The following ZSWIM6 variants were observed in gnomAD, a reference collection of about 807,000 sequenced individuals.
ZSWIM6 encodes the protein zinc finger SWIM-type containing 6, also known as zinc finger SWIM domain-containing protein 6.
ZSWIM6 carries 9 observed loss-of-function variants against 113.2 expected under a neutral mutation model. The ratio of observed to expected loss-of-function variants is 0.08; its 90% CI spans 0.05 to 0.14. The LOEUF (loss-of-function observed/expected upper bound fraction) is 0.14. Among genes scored for constraint, ZSWIM6 ranks in the 10% least tolerant of loss-of-function variants. The pLI, the probability that ZSWIM6 is intolerant of heterozygous loss-of-function variation, is 1.00. For synonymous variants in ZSWIM6, 611 were observed against 606.5 expected (o/e 1.01, Z -0.11); for missense variants, 1,162 against 1,552.2 (o/e 0.75, Z 4.22).
At chr5:61,366,614 T>C (rs989962649) in intron 1 of ZSWIM6, among the ~76,000 whole-genome samples, 27 of 152,192 alleles carry the variant, frequency 1.8e-4, no homozygotes, top group African/African-American at 6.5e-4. Context: ...CTTTCTAGTT[T>C]AGCTTTCTAG....
intron 12 of ZSWIM6, among the ~76,000 whole-genome samples, chr5:61,540,919 T>G (rs1356293980): frequency 9.9e-6 from 1 of 101,132 alleles, no homozygotes; most frequent in East Asian, 2.0e-4. Context: ...TTTGTGGGTT[T>G]TTTTTTTTTT....
chr5:61,432,154 T>C (rs1746597067), intron 1 of ZSWIM6, among the ~76,000 whole-genome samples: 1 of 152,248 alleles, frequency 6.6e-6, no homozygotes, highest in South Asian at 2.1e-4. Flanking sequence ...TACAACAGGC[T>C]GTTTTTCATA....
intron 1 of ZSWIM6, among the ~76,000 whole-genome samples, chr5:61,378,651 G>A (rs1319319148): frequency 6.6e-6 from 1 of 152,084 alleles, no homozygotes; most frequent in Non-Finnish European, 1.5e-5. Context: ...CGCCTCCCAG[G>A]TTCAATCGGT....
chr5:61,501,055 G>T (rs879863562), intron 4 of ZSWIM6, among the ~76,000 whole-genome samples: 2 of 152,138 alleles, frequency 1.3e-5, no homozygotes, highest in Non-Finnish European at 2.9e-5. Context: ...CAGAGGATTG[G>T]TCAATTGTAT....
chr5:61,367,186 A>G (rs1183076531), intron 1 of ZSWIM6, among the ~76,000 whole-genome samples: 1 of 152,170 alleles, frequency 6.6e-6, no homozygotes, highest in Non-Finnish European at 1.5e-5. Context: ...TTTTCTAGGC[A>G]TTACGTTTTC....
At chr5:61,390,913 A>G (rs902095193) in intron 1 of ZSWIM6, 4 of 863,654 alleles carry the variant, frequency 4.6e-6, no homozygotes, top group African/African-American at 3.3e-5. Flanking sequence ...ACTTCACCAT[A>G]GTGGACAAAG....
chr5:61,416,087 A>T (rs1240003088), intron 1 of ZSWIM6, among the ~76,000 whole-genome samples: 1 of 152,220 alleles, frequency 6.6e-6, no homozygotes, highest in East Asian at 1.9e-4. Context: ...CTGGATACAA[A>T]AAGGGTTATA....
At chr5:61,377,710 C>A (rs911250085) in intron 1 of ZSWIM6, among the ~76,000 whole-genome samples, 2 of 143,176 alleles carry the variant, frequency 1.4e-5, no homozygotes, top group Admixed American at 1.4e-4. Context: ...AGCGAGACTT[C>A]GTCTCAAAAA....
intron 13 of ZSWIM6, among the ~76,000 whole-genome samples, chr5:61,542,618 A>G (rs1749771251): frequency 6.6e-6 from 1 of 152,228 alleles, no homozygotes; most frequent in Admixed American, 6.5e-5. Context: ...GTGTTTAGAT[A>G]TGACACAGCA....
At chr5:61,436,200 T>TAAA (rs566126712) in intron 1 of ZSWIM6, among the ~76,000 whole-genome samples, 1 of 121,712 alleles carries the variant, frequency 8.2e-6, no homozygotes, top group African/African-American at 3.0e-5. Flanking sequence ...AGACTCTGTC[T>TAAA]AAAAAAAAAA....
Position 61,543,353 on chromosome 5 carries a change from A to G in ZSWIM6, c.2786-102A>G, listed in dbSNP as rs573628595. 5.1e-6 allele frequency: 7 copies of G among 1,366,354 alleles called. No homozygotes were observed. Among genetic ancestry groups the G allele is most frequent in the East Asian group, 5.0e-5 (2 of 39,646 alleles). 84.6% of individuals were successfully genotyped at this position (1,366,354 alleles called of 1,614,324 possible). Reference sequence around the variant, plus strand: ...GATTTTCTAGCCTAGCTCATGTCCTATGATGGTTAACAATGTAAACACTGG... The same window carrying G: ...GATTTTCTAGCCTAGCTCATGTCCTGTGATGGTTAACAATGTAAACACTGG... On this transcript the variant is annotated intron_variant, in intron 13 of 13. Transcript: ENST00000252744. The surrounding 1 kb of genome is among the most constrained non-coding windows in gnomAD (Gnocchi z 4.3).
At chr5:61,371,504 G>A (rs1400813750) in intron 1 of ZSWIM6, among the ~76,000 whole-genome samples, 6 of 152,220 alleles carry the variant, frequency 3.9e-5, no homozygotes, top group Admixed American at 6.5e-5. Context: ...ATATTAGCTA[G>A]TGCATGGCGT....
At chr5:61,370,833 A>G (rs142942173) in intron 1 of ZSWIM6, among the ~76,000 whole-genome samples, 2,494 of 152,354 alleles carry the variant, frequency 0.016, 26 homozygotes, top group Non-Finnish European at 0.026. Flanking sequence ...AATTAACAGC[A>G]AAATAAAAAA....
chr5:61,435,790 A>AT (rs1475756416), intron 1 of ZSWIM6, among the ~76,000 whole-genome samples: 12 of 151,884 alleles, frequency 7.9e-5, no homozygotes, highest in East Asian at 3.9e-4. Context: ...GAGAGCTTAG[A>AT]TTTTTTTTTA....
At chr5:61,336,101 A>G (rs1320531344) in intron 1 of ZSWIM6, among the ~76,000 whole-genome samples, 1 of 152,054 alleles carries the variant, frequency 6.6e-6, no homozygotes, top group Non-Finnish European at 1.5e-5. Flanking sequence ...TGTCCCTACC[A>G]AAAATAGAAG....
At chr5:61,503,429 C>T (rs558704515) in intron 4 of ZSWIM6, among the ~76,000 whole-genome samples, 28 of 152,278 alleles carry the variant, frequency 1.8e-4, no homozygotes, top group African/African-American at 5.8e-4. Context: ...AAATTTGCTT[C>T]AGCAAACCTG....
At chr5:61,382,849 TG>T (rs1745514353) in intron 1 of ZSWIM6, among the ~76,000 whole-genome samples, 1 of 149,334 alleles carries the variant, frequency 6.7e-6, no homozygotes, top group Non-Finnish European at 1.5e-5. Context: ...AGAAAGAATT[TG>T]GTGTTTAGAG....
intron 1 of ZSWIM6, among the ~76,000 whole-genome samples, chr5:61,431,587 TA>T (rs1051153368): frequency 6.8e-6 from 1 of 146,038 alleles, no homozygotes; most frequent in African/African-American, 2.5e-5. Context: ...CTACTAAAAA[TA>T]AAAAAAATTA....
intron 4 of ZSWIM6, among the ~76,000 whole-genome samples, chr5:61,520,280 GTGT>G (rs1440898297): frequency 5.3e-5 from 8 of 152,188 alleles, no homozygotes; most frequent in Non-Finnish European, 8.8e-5. Context: ...CAAAGAAGTA[GTGT>G]TGTGAAAAGC....
Sources: gnomAD v4.1 joint callset for allele counts (sites outside exome capture counted in the v4.1 genomes callset) on GRCh38, gnomAD v4.1.1 for gene constraint, Gnocchi (gnomAD v3.1) non-coding constraint, MANE v1.5 for transcripts, NCBI Gene and HGNC (gene_info 2026-07-23, HGNC 2026-07-21) for gene names.